YPEL2: variants seen among roughly 807,000 people sequenced by gnomAD.
YPEL2 encodes the protein yippee like 2.
A neutral mutation model predicts 19.1 loss-of-function variants in YPEL2; 2 were observed. The ratio of observed to expected loss-of-function variants is 0.10; its 90% CI spans 0.04 to 0.33. The LOEUF (loss-of-function observed/expected upper bound fraction) is 0.33. Among genes scored for constraint, YPEL2 ranks in the 10% least tolerant of loss-of-function variants. YPEL2 has a pLI of 1.00. For missense variants in YPEL2, 66 were observed against 140.7 expected (o/e 0.47, Z 2.68); for synonymous variants, 52 against 50.0 (o/e 1.04, Z -0.17).
At chr17:59,335,442 T>G (rs943507832) in intron 1 of YPEL2, among the ~76,000 whole-genome samples, 1 of 152,126 alleles carries the variant, frequency 6.6e-6, no homozygotes, top group African/African-American at 2.4e-5. Context: ...CCACTCTGCT[T>G]CTTCCTGCTT....
chr17:59,348,256 G>A (rs1390596133), intron 1 of YPEL2, among the ~76,000 whole-genome samples: 1 of 152,252 alleles, frequency 6.6e-6, no homozygotes, highest in Non-Finnish European at 1.5e-5. Context: ...GGCCAGCCTT[G>A]TCTCATGTCT....
At chr17:59,372,928 C>A (rs886355342) in intron 2 of YPEL2, among the ~76,000 whole-genome samples, 1 of 152,230 alleles carries the variant, frequency 6.6e-6, no homozygotes, top group Admixed American at 6.5e-5. Flanking sequence ...GTCTGGAGTG[C>A]AATGGCATGG....
At chr17:59,347,485 A>G (rs1048294412) in intron 1 of YPEL2, among the ~76,000 whole-genome samples, 5 of 152,116 alleles carry the variant, frequency 3.3e-5, no homozygotes, top group Admixed American at 3.3e-4. Context: ...AAGAGTGATG[A>G]CGTGGTCAGA....
intron 1 of YPEL2, among the ~76,000 whole-genome samples, chr17:59,335,693 C>G (rs756579862): frequency 6.6e-6 from 1 of 151,992 alleles, no homozygotes; most frequent in Non-Finnish European, 1.5e-5. Context: ...GGATTACAGG[C>G]GCACCCCACC....
At chr17:59,367,472 T>A (rs1166270232) in intron 2 of YPEL2, among the ~76,000 whole-genome samples, 1 of 152,234 alleles carries the variant, frequency 6.6e-6, no homozygotes, top group Non-Finnish European at 1.5e-5. Flanking sequence ...CACTCAAATC[T>A]GCAGCCACAG....
In YPEL2 at chr17:59,353,379, C is replaced by G; in HGVS notation, c.-31C>G. 1.3e-6 allele frequency: 2 copies of G among 1,502,144 alleles called. No individual in the cohort carries two copies. Among genetic ancestry groups the G allele is most frequent in the Non-Finnish European group, 1.8e-6 (2 of 1,101,924 alleles). 93.1% of individuals were successfully genotyped at this position (1,502,144 alleles called of 1,614,324 possible). ...CCTGTGGGAGTGCCTCGTGGGCTGCCCCAGAGTTCACCCCACACTCAGCAG... is the reference window on the plus strand; with the variant it reads ...CCTGTGGGAGTGCCTCGTGGGCTGCGCCAGAGTTCACCCCACACTCAGCAG... On this transcript the variant is annotated 5_prime_UTR_variant, in exon 2 of 5. Coordinates refer to ENST00000312655, the MANE Select transcript of YPEL2 (RefSeq NM_001005404.4). This position sits in a 1 kb window ranked among gnomAD's most constrained non-coding sequence, Gnocchi z 4.8.
At position 59,399,142 on chromosome 17, in the gene YPEL2, T is replaced by A. The variant is rs1191609482; in HGVS notation, c.*1952T>A. ...AATTTCTGCTCCCAGAAGAATAGTT[T>A]CTCTGGCTCACAGGCCCAAGTTCTC... On this transcript the variant is annotated 3_prime_UTR_variant, in exon 5 of 5. Coordinates refer to ENST00000312655, the MANE Select transcript of YPEL2 (RefSeq NM_001005404.4). 6.6e-6 allele frequency: 1 copy of A among 152,640 alleles called. No individual in the cohort carries two copies. The highest frequency in any genetic ancestry group is 1.5e-5 in the Non-Finnish European group (1 of 68,046). 9.5% of individuals were successfully genotyped at this position (152,640 alleles called of 1,614,324 possible). A position where few individuals can be genotyped will look rare whatever the true frequency, so the allele number is the denominator to read the frequency against.
intron 4 of YPEL2, among the ~76,000 whole-genome samples, chr17:59,393,329 G>GT (rs35320708): frequency 1.4e-5 from 2 of 147,782 alleles, no homozygotes; most frequent in Non-Finnish European, 3.0e-5. Context: ...TAGAGATGAG[G>GT]TTTTTGTCAT....
intron 1 of YPEL2, among the ~76,000 whole-genome samples, chr17:59,342,813 A>G (rs1466719417): frequency 1.3e-5 from 2 of 152,108 alleles, no homozygotes; most frequent in African/African-American, 4.8e-5. Flanking sequence ...TTTGTGACTC[A>G]TTCTTGCCTG....
At chr17:59,340,255 C>T (rs1000936617) in intron 1 of YPEL2, among the ~76,000 whole-genome samples, 1 of 151,822 alleles carries the variant, frequency 6.6e-6, no homozygotes, top group African/African-American at 2.4e-5. Flanking sequence ...ATTACAGGCA[C>T]CTGCCACTAC....
chr17:59,355,729 C>T (rs918259085), intron 2 of YPEL2: 1 of 152,114 alleles, frequency 6.6e-6, no homozygotes, highest in Non-Finnish European at 1.5e-5. Context: ...GAGGTTGAGC[C>T]TTGGAGAAGA....
chr17:59,332,301 G>A (rs903754178), intron 1 of YPEL2, among the ~76,000 whole-genome samples: 2 of 152,128 alleles, frequency 1.3e-5, no homozygotes, highest in African/African-American at 2.4e-5. Flanking sequence ...GTCCAGGGGC[G>A]CCGCCCTGGG....
intron 2 of YPEL2, among the ~76,000 whole-genome samples, chr17:59,387,343 A>G (rs985940921): frequency 1.3e-5 from 2 of 151,950 alleles, no homozygotes; most frequent in Non-Finnish European, 1.5e-5. Context: ...TCTGACAAAA[A>G]TGATTGTCTC....
chr17:59,361,261 C>T (rs1193711046), intron 2 of YPEL2, among the ~76,000 whole-genome samples: 1 of 152,148 alleles, frequency 6.6e-6, no homozygotes, highest in African/African-American at 2.4e-5. Context: ...TTATTGATTC[C>T]ATTCTGTCTT....
intron 2 of YPEL2, among the ~76,000 whole-genome samples, chr17:59,372,505 A>G (rs1223801979): frequency 6.6e-6 from 1 of 152,194 alleles, no homozygotes; most frequent in Non-Finnish European, 1.5e-5. Flanking sequence ...TTTGCATGGA[A>G]ACACCCACTC....
chr17:59,357,493 AT>A (rs2047818710), intron 2 of YPEL2, among the ~76,000 whole-genome samples: 1 of 152,210 alleles, frequency 6.6e-6, no homozygotes, highest in Non-Finnish European at 1.5e-5. Flanking sequence ...TGTGGTCTAA[AT>A]GCTGGAGTGT....
chr17:59,344,409 T>G (rs2047746178), intron 1 of YPEL2, among the ~76,000 whole-genome samples: 1 of 152,004 alleles, frequency 6.6e-6, no homozygotes, highest in African/African-American at 2.4e-5. Context: ...TAAAGCCCAT[T>G]AAGGAGCATT....
intron 2 of YPEL2, among the ~76,000 whole-genome samples, chr17:59,386,810 A>G (rs1390844869): frequency 6.6e-6 from 1 of 152,046 alleles, no homozygotes; most frequent in Non-Finnish European, 1.5e-5. Context: ...ATGTTTCAAG[A>G]CCCCAAAAAG....
chr17:59,339,582 GT>G (rs2047717394), intron 1 of YPEL2, among the ~76,000 whole-genome samples: 2 of 152,152 alleles, frequency 1.3e-5, no homozygotes, highest in African/African-American at 4.8e-5. Flanking sequence ...ATTATGTTGA[GT>G]TGACTTAGAC....
Sources: allele counts gnomAD v4.1 joint callset (sites outside exome capture counted in the v4.1 genomes callset), GRCh38; gene constraint gnomAD v4.1.1; non-coding constraint Gnocchi (gnomAD v3.1); transcripts MANE v1.5; gene names NCBI Gene and HGNC (gene_info 2026-07-23, HGNC 2026-07-21).